Variants in LYPLA1 observed in about 807,000 individuals in gnomAD.
LYPLA1 encodes acyl-protein thioesterase 1.
A neutral mutation model predicts 34.0 loss-of-function variants in LYPLA1; 17 were observed. The ratio of observed to expected loss-of-function variants is 0.50; its 90% CI spans 0.34 to 0.75. The LOEUF (loss-of-function observed/expected upper bound fraction) is 0.75. Among genes scored for constraint, LYPLA1 ranks in the 30% least tolerant of loss-of-function variants. LYPLA1 has a pLI of 0.01. For synonymous variants in LYPLA1, 98 were observed against 100.8 expected, an observed-to-expected ratio of 0.97 and a Z score of 0.17; for missense variants, 203 against 288.8, an observed-to-expected ratio of 0.70 and a Z score of 2.15.
At chr8:54,055,930 C>T (rs1399193991) in intron 5 of LYPLA1, among the ~76,000 whole-genome samples, 2 of 152,032 alleles carry the variant, frequency 1.3e-5, no homozygotes, top group East Asian at 1.9e-4. Flanking sequence ...CGTGAGCCAC[C>T]GTGCCTAGCC....
At chr8:54,063,701 C>T (rs747894638) in intron 3 of LYPLA1, among the ~76,000 whole-genome samples, 7 of 152,154 alleles carry the variant, frequency 4.6e-5, no homozygotes, top group Non-Finnish European at 8.8e-5. Context: ...GTATAAAACA[C>T]GAGATTCCGG....
At chr8:54,070,353 C>T (rs755220858) in intron 2 of LYPLA1, among the ~76,000 whole-genome samples, 2 of 152,056 alleles carry the variant, frequency 1.3e-5, no homozygotes, top group Non-Finnish European at 2.9e-5. Flanking sequence ...AAAACTTGTA[C>T]ACAAATGTTC....
chr8:54,092,806 T>C (rs1224131993), intron 2 of LYPLA1, among the ~76,000 whole-genome samples: 1 of 151,870 alleles, frequency 6.6e-6, no homozygotes, highest in Admixed American at 6.6e-5. Context: ...ACATAATGAG[T>C]CCCTGTCTCT....
At chr8:54,084,212 C>A (rs1017066266) in intron 2 of LYPLA1, among the ~76,000 whole-genome samples, 5 of 136,674 alleles carry the variant, frequency 3.7e-5, no homozygotes, top group East Asian at 2.2e-4. Flanking sequence ...TGAAAAAAAA[C>A]CAAAACCAAA....
chr8:54,049,000 C>T (rs1245503509), intron 8 of LYPLA1, among the ~76,000 whole-genome samples: 2 of 152,214 alleles, frequency 1.3e-5, no homozygotes, highest in Non-Finnish European at 2.9e-5. Flanking sequence ...AAAACAGCTG[C>T]TCTAGAGACC....
chr8:54,073,121 C>T lies in LYPLA1; in HGVS notation c.102-7308G>A, dbSNP rs141421650. The T allele has an allele frequency of 7.7e-4, 542 of 704,124 alleles. 2 individuals are homozygous for T. The Middle Eastern group carries it at 0.021, about 28-fold the overall frequency. 43.6% of individuals were successfully genotyped at this position (704,124 alleles called of 1,614,324 possible). On this transcript the variant is annotated intron_variant, in intron 2 of 8. Transcript: ENST00000316963. ...TTGGGCCATCAGGAACTTGCGCGTC[C>T]ATCTCAGGGAGACCTGGCCTTCAGA...
chr8:54,068,673 AC>A (rs1394938580), intron 2 of LYPLA1, among the ~76,000 whole-genome samples: 1 of 152,226 alleles, frequency 6.6e-6, no homozygotes, highest in Non-Finnish European at 1.5e-5. Flanking sequence ...GCTACCTCAT[AC>A]CATATGTAAA....
intron 2 of LYPLA1, among the ~76,000 whole-genome samples, chr8:54,084,133 A>AAAAAAAAAAAAATTTTTATATATAT (rs1373090573): frequency 8.3e-6 from 1 of 120,478 alleles, no homozygotes; most frequent in Non-Finnish European, 1.6e-5. Flanking sequence ...AGAAAAAAAA[A>AAAAAAAAAAAAATTTTTATATATAT]ATAAATAAAT....
chr8:54,091,587 AGGAAGGAAGGAAGGAAGGAAGG>A (rs1809282667), intron 2 of LYPLA1, among the ~76,000 whole-genome samples: 1 of 136,942 alleles, frequency 7.3e-6, no homozygotes, highest in African/African-American at 2.7e-5. Context: ...AAGAAAAGGA[AGGAAGGAAGGAAGGAAGGAAGG>A]AAGGAAGGAA....
rs112094258 is a variant in LYPLA1 at position 54,055,098 on chromosome 8, T to C, written c.322A>G (p.Ile108Val). 6 of 1,610,508 alleles carry C rather than the reference T, an allele frequency of 3.7e-6. No individual in the cohort carries two copies. Among genetic ancestry groups the C allele is most frequent in the Non-Finnish European group, 5.1e-6 (6 of 1,177,304 alleles). ...ALIDQEVKNG[I>V]PSNRIILGGF... ...CCCAAAATAATTCTGTTAGAAGGAA[T>C]GCCATTCTTCACTTCTTGATCAATC... Residue 108 changes from isoleucine to valine, a missense_variant, in exon 6 of 9, where the codon ATT becomes GTT. By Grantham distance (29) the Ile-to-Val change is conservative. This residue lies in a region of LYPLA1 where 123 missense variants were observed against 199.2 expected (regional missense o/e 0.62). Coordinates refer to ENST00000316963, the MANE Select transcript of LYPLA1 (RefSeq NM_006330.4).
rs1207746767 is a variant in LYPLA1, at chr8:54,101,392, A to G, written c.69+363T>C. The G allele has an allele frequency of 2.8e-6, 3 of 1,057,298 alleles. No homozygotes were observed. The African/African-American group carries it at 5.1e-5, about 18-fold the overall frequency. 65.5% of individuals were successfully genotyped at this position (1,057,298 alleles called of 1,614,324 possible). A position where few individuals can be genotyped will look rare whatever the true frequency, so the allele number is the denominator to read the frequency against. On this transcript the variant is annotated intron_variant, in intron 1 of 8. Transcript: ENST00000316963. ...CTTCAAACTTCTTTCATTGAGGATA[A>G]GAGTGCGAGGTGACAATAAGGCGAT... is the stretch of plus-strand genomic sequence containing the variant.
downstream of LYPLA1, chr8:54,045,014 G>A (rs1805444694): frequency 6.6e-6 from 1 of 151,932 alleles, no homozygotes; most frequent in Admixed American, 6.6e-5. Context: ...ACCCCACTGG[G>A]GCACAGAGCA....
chr8:54,099,323 C>T (rs1407003644), intron 2 of LYPLA1, among the ~76,000 whole-genome samples: 2 of 152,172 alleles, frequency 1.3e-5, no homozygotes, highest in Non-Finnish European at 2.9e-5. Flanking sequence ...AGAAAGAGTG[C>T]TGCAACCTTT....
chr8:54,066,157 T>G (rs1807054862), intron 2 of LYPLA1, among the ~76,000 whole-genome samples: 1 of 152,108 alleles, frequency 6.6e-6, no homozygotes, highest in Non-Finnish European at 1.5e-5. Context: ...CAGGATGGTC[T>G]TGATCTCCTG....
intron 6 of LYPLA1, 71 bp downstream of exon 6, chr8:54,054,989 A>C: frequency 1.1e-6 from 1 of 904,548 alleles, no homozygotes. Context: ...TACTCTATAG[A>C]AAGGATTAAT....
intron 2 of LYPLA1, among the ~76,000 whole-genome samples, chr8:54,076,223 G>C (rs1043781346): frequency 6.6e-6 from 1 of 152,010 alleles, no homozygotes; most frequent in Non-Finnish European, 1.5e-5. Flanking sequence ...ACTTGTCTTT[G>C]GATATTGCAA....
intron 6 of LYPLA1, 40 bp downstream of exon 6, chr8:54,055,020 A>T: frequency 8.4e-7 from 1 of 1,186,714 alleles, no homozygotes; most frequent in Non-Finnish European, 1.3e-6. Flanking sequence ...CTAAATAAGT[A>T]TACTGATGGT....
At chr8:54,058,440 A>G (rs752926160) in intron 5 of LYPLA1, among the ~76,000 whole-genome samples, 1 of 152,154 alleles carries the variant, frequency 6.6e-6, no homozygotes, top group African/African-American at 2.4e-5. Flanking sequence ...GCTACTTGGG[A>G]GGCTGAGACA....
intron 2 of LYPLA1, among the ~76,000 whole-genome samples, chr8:54,096,518 T>C (rs1345259045): frequency 6.6e-6 from 1 of 151,872 alleles, no homozygotes; most frequent in Non-Finnish European, 1.5e-5. Flanking sequence ...GAGGGCAGAT[T>C]ACGAGGTCAG....
Sources: allele counts gnomAD v4.1 joint callset (sites outside exome capture counted in the v4.1 genomes callset), GRCh38; gene constraint gnomAD v4.1.1; regional missense constraint gnomAD v4.1.1; transcripts MANE v1.5; gene names NCBI Gene and HGNC (gene_info 2026-07-23, HGNC 2026-07-21).